The following CAMTA1 variants were observed in gnomAD, a reference collection of about 807,000 sequenced individuals.
The protein encoded by CAMTA1 is calmodulin-binding transcription activator 1.
CAMTA1 carries 27 observed loss-of-function variants against 170.9 expected under a neutral mutation model. That is an observed-to-expected ratio of 0.16 (90% CI 0.12 to 0.22). The LOEUF is 0.22. CAMTA1 is among the 10% of genes least tolerant of loss of function. The pLI is 1.00. For synonymous variants in CAMTA1, 833 were observed against 891.5 expected (o/e 0.93, Z 1.17); for missense variants, 1,619 against 2,217.2 (o/e 0.73, Z 5.42).
At chr1:7,185,931 C>G (rs945004641) in intron 4 of CAMTA1, among the ~76,000 whole-genome samples, 1 of 152,148 alleles carries the variant, frequency 6.6e-6, no homozygotes, top group South Asian at 2.1e-4. Flanking sequence ...CCGGACCACG[C>G]GAGTTTGTGT....
At chr1:7,036,430 G>T (rs1703605132) in intron 3 of CAMTA1, among the ~76,000 whole-genome samples, 1 of 152,222 alleles carries the variant, frequency 6.6e-6, no homozygotes, top group South Asian at 2.1e-4. Flanking sequence ...TGCCATTATG[G>T]AGAGGGTGCG....
intron 17 of CAMTA1, 99 bp from the exon 18 acceptor site, chr1:7,745,746 T>C (rs2096852789): frequency 1.3e-5 from 19 of 1,453,932 alleles, no homozygotes; most frequent in Non-Finnish European, 1.5e-5. Context: ...TTGCCCACAG[T>C]GGCTTCTGGC....
chr1:6,928,603 A>T (rs1456063730), intron 3 of CAMTA1, among the ~76,000 whole-genome samples: 1 of 151,982 alleles, frequency 6.6e-6, no homozygotes, highest in Admixed American at 6.5e-5. Flanking sequence ...TTGCAGTTTC[A>T]GAGCCTGCTG....
intron 3 of CAMTA1, among the ~76,000 whole-genome samples, chr1:7,019,171 C>G (rs187420600): frequency 1.8e-4 from 27 of 152,324 alleles, no homozygotes; most frequent in African/African-American, 5.5e-4. Flanking sequence ...TTCTTTAACT[C>G]AGTCTCTTAG....
At chr1:7,473,208 A>G (rs6666190) in intron 6 of CAMTA1, among the ~76,000 whole-genome samples, 34,049 of 152,154 alleles carry the variant, frequency 0.22, 4,484 homozygotes, top group African/African-American at 0.35. Context: ...GAGAGGCCCT[A>G]GGGGAGATGC....
At chr1:6,902,072 C>CACACACACACAAAA (rs3986505) in intron 3 of CAMTA1, among the ~76,000 whole-genome samples, 3 of 88,470 alleles carry the variant, frequency 3.4e-5, no homozygotes, top group African/African-American at 1.1e-4. Context: ...CACACACACA[C>CACACACACACAAAA]AAAAAAAAAA....
At chr1:7,236,674 G>C (rs1046615456) in intron 4 of CAMTA1, among the ~76,000 whole-genome samples, 1 of 152,154 alleles carries the variant, frequency 6.6e-6, no homozygotes, top group Non-Finnish European at 1.5e-5. Context: ...ATGGAACATG[G>C]GTGTAAAGGG....
intron 5 of CAMTA1, among the ~76,000 whole-genome samples, chr1:7,278,874 G>T (rs1214101634): frequency 6.6e-6 from 1 of 152,214 alleles, no homozygotes; most frequent in Non-Finnish European, 1.5e-5. Context: ...GAGGAAAAGT[G>T]CAGGAACTCT....
At chr1:6,848,599 A>C (rs1487895533) in intron 3 of CAMTA1, among the ~76,000 whole-genome samples, 2 of 152,222 alleles carry the variant, frequency 1.3e-5, no homozygotes, top group Non-Finnish European at 2.9e-5. Context: ...GTTTTTAGAC[A>C]TTGGCAGTAG....
chr1:7,328,367 C>T lies in CAMTA1; in HGVS notation c.438+78741C>T, dbSNP rs554982173. Among the ~76,000 whole-genome samples the T allele has an allele frequency of 7.8e-3, 1,188 of 152,010 alleles. 14 individuals are homozygous for T. Among genetic ancestry groups the T allele is most frequent in the African/African-American group, 0.027 (1,130 of 41,410 alleles). On this transcript the variant is annotated intron_variant, in intron 5 of 22. Transcript: ENST00000303635. ...TTCTTTTGCTCCTGTAGTGGTTATG[C>T]TCCTGTAGTCCCAGCTACTTGGGAG...
At chr1:7,529,866 C>T (rs757797418) in intron 6 of CAMTA1, among the ~76,000 whole-genome samples, 1 of 152,222 alleles carries the variant, frequency 6.6e-6, no homozygotes, top group Non-Finnish European at 1.5e-5. Flanking sequence ...TAAAGTGTAA[C>T]CCAGAAGTGA....
At chr1:7,614,409 G>A (rs1421440498) in intron 6 of CAMTA1, among the ~76,000 whole-genome samples, 1 of 151,164 alleles carries the variant, frequency 6.6e-6, no homozygotes, top group African/African-American at 2.5e-5. Context: ...AAAAGGAGAA[G>A]AGATGAAGAT....
intron 3 of CAMTA1, among the ~76,000 whole-genome samples, chr1:7,018,227 C>T (rs189536908): frequency 1.3e-4 from 20 of 152,016 alleles, no homozygotes; most frequent in Non-Finnish European, 2.9e-5. Context: ...ACTCCTCTCT[C>T]GACTCCTGGG....
Position 7,676,670 on chromosome 1 carries a change from T to G in CAMTA1, c.2780-929T>G, listed in dbSNP as rs534641417. ...GGAGGCCCTGGGTATCAGTATCTGG[T>G]ATTCCGGAAAAGCAGGGCAGAAGGC... On this transcript the variant is annotated intron_variant, in intron 10 of 22. Transcript: ENST00000303635. 1.8e-4 allele frequency among the ~76,000 whole-genome samples: 27 copies of G among 152,300 alleles called. 1 individual carries two copies. The South Asian group carries it at 5.2e-3, about 29-fold the overall frequency.
intron 5 of CAMTA1, among the ~76,000 whole-genome samples, chr1:7,260,076 A>G (rs947226170): frequency 1.3e-5 from 2 of 152,222 alleles, no homozygotes; most frequent in Non-Finnish European, 2.9e-5. Flanking sequence ...CAACAATTCA[A>G]TTCTGCCATT....
At chr1:7,516,817 C>G (rs1299757639) in intron 6 of CAMTA1, among the ~76,000 whole-genome samples, 1 of 152,158 alleles carries the variant, frequency 6.6e-6, no homozygotes, top group Non-Finnish European at 1.5e-5. Context: ...TGGAAGGAAG[C>G]CCTGTCTGCC....
intron 3 of CAMTA1, among the ~76,000 whole-genome samples, chr1:6,835,590 G>A (rs559759531): frequency 2.3e-4 from 35 of 152,318 alleles, no homozygotes; most frequent in African/African-American, 8.4e-4. Context: ...GCCTGAGGAT[G>A]TGCATTTCTA....
chr1:6,828,674 C>G (rs903561823), intron 3 of CAMTA1, among the ~76,000 whole-genome samples: 8 of 151,884 alleles, frequency 5.3e-5, no homozygotes. Context: ...AATAGTATTG[C>G]AAGGTGGGTA....
At chr1:6,799,984 A>G (rs891016824) in intron 1 of CAMTA1, among the ~76,000 whole-genome samples, 2 of 152,160 alleles carry the variant, frequency 1.3e-5, no homozygotes, top group African/African-American at 4.8e-5. Context: ...TTGCTCCAGG[A>G]CAAGAATAAT....
Sources: gnomAD v4.1 joint callset for allele counts (sites outside exome capture counted in the v4.1 genomes callset) on GRCh38, gnomAD v4.1.1 for gene constraint, MANE v1.5 for transcripts, NCBI Gene and HGNC (gene_info 2026-07-23, HGNC 2026-07-21) for gene names.